Variants in RBFOX1 observed in about 807,000 individuals in gnomAD.
The protein encoded by RBFOX1 is RNA binding fox-1 homolog 1, also known as RNA binding protein fox-1 homolog 1.
RBFOX1 carries 8 observed loss-of-function variants against 57.7 expected under a neutral mutation model. The ratio of observed to expected loss-of-function variants is 0.14; its 90% CI spans 0.08 to 0.25. RBFOX1 has a LOEUF of 0.25. Ranked by LOEUF, RBFOX1 falls within the 10% of genes least tolerant of loss-of-function variation. RBFOX1 has a pLI of 1.00. For synonymous variants in RBFOX1, 326 were observed against 222.4 expected (o/e 1.47, Z -4.15); for missense variants, 611 against 548.5 (o/e 1.11, Z -1.14).
At chr16:5,549,571 C>G (rs996501719) in intron 2 of RBFOX1, among the ~76,000 whole-genome samples, 1 of 152,102 alleles carries the variant, frequency 6.6e-6, no homozygotes, top group South Asian at 2.1e-4. Context: ...ATGTATTTTC[C>G]TAAACTTGAC....
At chr16:6,331,379 G>A (rs1196356294) in intron 2 of RBFOX1, among the ~76,000 whole-genome samples, 7 of 151,966 alleles carry the variant, frequency 4.6e-5, no homozygotes, top group African/African-American at 9.7e-5. Context: ...CCCGGGAGGT[G>A]GAGGTTGCAG....
chr16:6,625,777 T>C (rs961240459), intron 2 of RBFOX1, among the ~76,000 whole-genome samples: 24 of 152,338 alleles, frequency 1.6e-4, no homozygotes, highest in African/African-American at 5.5e-4. Flanking sequence ...GTGCATTAAA[T>C]TAGAGCCTCT....
intron 4 of RBFOX1, among the ~76,000 whole-genome samples, chr16:7,115,919 C>T (rs749387636): frequency 6.6e-6 from 1 of 152,144 alleles, no homozygotes; most frequent in African/African-American, 2.4e-5. Context: ...GTATAATAGG[C>T]AATGACACTT....
chr16:6,382,836 G>A (rs2091937479), intron 2 of RBFOX1, among the ~76,000 whole-genome samples: 1 of 152,128 alleles, frequency 6.6e-6, no homozygotes, highest in Admixed American at 6.5e-5. Context: ...CTCCAGCCTG[G>A]GCAACAGAGT....
intron 2 of RBFOX1, among the ~76,000 whole-genome samples, chr16:6,514,888 G>A (rs1289715355): frequency 2.0e-5 from 3 of 152,002 alleles, no homozygotes; most frequent in East Asian, 3.9e-4. Flanking sequence ...AGGAGGAAGG[G>A]GAGGAGGAGA....
chr16:7,025,014 C>T (rs773576700), intron 3 of RBFOX1, among the ~76,000 whole-genome samples: 1 of 152,100 alleles, frequency 6.6e-6, no homozygotes, highest in South Asian at 2.1e-4. Flanking sequence ...GGGGCTGGAT[C>T]CCGACCCCAA....
At chr16:7,302,922 GC>G (rs1382143097) in intron 4 of RBFOX1, among the ~76,000 whole-genome samples, 1 of 152,030 alleles carries the variant, frequency 6.6e-6, no homozygotes, top group Non-Finnish European at 1.5e-5. Context: ...TGTTAATTTG[GC>G]CAAGGAGGGC....
intron 3 of RBFOX1, among the ~76,000 whole-genome samples, chr16:6,870,750 C>A (rs542802316): frequency 4.6e-5 from 7 of 152,260 alleles, no homozygotes; most frequent in African/African-American, 1.4e-4. Flanking sequence ...CTCCTCCCCA[C>A]CCCAGCCCCT....
chr16:5,863,442 G>T lies in RBFOX1; in HGVS notation c.319-3861G>T, dbSNP rs545658673. On this transcript the variant is annotated intron_variant, in intron 3 of 19. Transcript: ENST00000641259. ...ATAAAAGCCCATGGTTGCAGCTGGCGTCAGCAACCCTTAAAGAGCCCTCCA... is the reference window on the plus strand; with the variant it reads ...ATAAAAGCCCATGGTTGCAGCTGGCTTCAGCAACCCTTAAAGAGCCCTCCA... 2.2e-4 allele frequency among the ~76,000 whole-genome samples: 33 copies of T among 152,262 alleles called. 1 individual carries two copies. The highest frequency in any genetic ancestry group is 7.8e-4 in the Admixed American group (12 of 15,296).
At chr16:6,969,610 G>A (rs1018424498) in intron 3 of RBFOX1, among the ~76,000 whole-genome samples, 57 of 152,056 alleles carry the variant, frequency 3.7e-4, no homozygotes, top group Non-Finnish European at 7.4e-5. Context: ...TGGGCATTAT[G>A]GTGCATGCCT....
At chr16:6,143,899 G>A (rs368281650) in intron 1 of RBFOX1, among the ~76,000 whole-genome samples, 2 of 151,446 alleles carry the variant, frequency 1.3e-5, no homozygotes, top group Non-Finnish European at 2.9e-5. Context: ...GGGCTCAAGC[G>A]ATCTTCCCAC....
Position 7,042,421 on chromosome 16 carries a change from C to A in RBFOX1, c.-15-9636C>A, listed in dbSNP as rs562773668. On this transcript the variant is annotated intron_variant, in intron 3 of 15. Transcript: ENST00000550418. Reference sequence around the variant, plus strand: ...CCCTCTTGAATATTTCCTATCTTTACGGTTTTAGGAATTCACTCACTCTGT... The same window carrying A: ...CCCTCTTGAATATTTCCTATCTTTAAGGTTTTAGGAATTCACTCACTCTGT... Among the ~76,000 whole-genome samples, 14 of 152,240 alleles carry A rather than the reference C, an allele frequency of 9.2e-5. No homozygotes were observed. In the South Asian group the frequency reaches 1.5e-3, roughly 16 times the overall value.
intron 4 of RBFOX1, among the ~76,000 whole-genome samples, chr16:5,987,779 G>A (rs1045724541): frequency 6.6e-6 from 1 of 152,134 alleles, no homozygotes; most frequent in Non-Finnish European, 1.5e-5. Context: ...GCTTATGAAT[G>A]TCCAATTGCA....
At position 7,264,517 on chromosome 16, in the gene RBFOX1, A is replaced by T. The variant is rs576939544; in HGVS notation, c.27+212419A>T. On this transcript the variant is annotated intron_variant, in intron 4 of 15. Transcript: ENST00000550418. Reference sequence around the variant, plus strand: ...AAGCTAAGTATGTTAGTCTTTGCTGACCACGTAGTCTCTGCCACAAGTATT... The same window carrying T: ...AAGCTAAGTATGTTAGTCTTTGCTGTCCACGTAGTCTCTGCCACAAGTATT... 5.4e-4 allele frequency among the ~76,000 whole-genome samples: 82 copies of T among 152,300 alleles called. 1 individual carries two copies. The highest frequency in any genetic ancestry group is 1.9e-3 in the African/African-American group (77 of 41,566).
intron 2 of RBFOX1, among the ~76,000 whole-genome samples, chr16:6,649,479 A>G (rs1187697660): frequency 3.3e-5 from 5 of 152,150 alleles, no homozygotes; most frequent in African/African-American, 1.2e-4. Flanking sequence ...AGCAGTGTAC[A>G]CCGTACCCAA....
intron 4 of RBFOX1, among the ~76,000 whole-genome samples, chr16:5,910,456 A>T (rs761703809): frequency 4.6e-5 from 7 of 152,238 alleles, no homozygotes; most frequent in Non-Finnish European, 8.8e-5. Context: ...AGGCAGGATG[A>T]AACATGGTCA....
chr16:6,218,186 T>C (rs1013897066), intron 1 of RBFOX1, among the ~76,000 whole-genome samples: 3 of 152,214 alleles, frequency 2.0e-5, no homozygotes, highest in African/African-American at 7.2e-5. Flanking sequence ...TAGAATAATA[T>C]TAAAAATGCC....
At chr16:6,247,537 G>A (rs1237368233) in intron 1 of RBFOX1, among the ~76,000 whole-genome samples, 1 of 152,192 alleles carries the variant, frequency 6.6e-6, no homozygotes, top group Admixed American at 6.5e-5. Flanking sequence ...CAATATGCAT[G>A]TTGAATGCTT....
At chr16:6,699,138 T>C (rs1208619530) in intron 3 of RBFOX1, among the ~76,000 whole-genome samples, 1 of 152,142 alleles carries the variant, frequency 6.6e-6, no homozygotes, top group Non-Finnish European at 1.5e-5. Flanking sequence ...TCAACCCATT[T>C]GAAGTGCCAC....
Sources: allele counts gnomAD v4.1 joint callset (sites outside exome capture counted in the v4.1 genomes callset), GRCh38; gene constraint gnomAD v4.1.1; transcripts MANE v1.5; gene names NCBI Gene and HGNC (gene_info 2026-07-23, HGNC 2026-07-21).